Variants in EPHA3 observed in about 807,000 individuals in gnomAD.
EPHA3 encodes EPH receptor A3, also known as ephrin type-A receptor 3.
EPHA3 carries 42 observed loss-of-function variants against 107.1 expected under a neutral mutation model. That is an observed-to-expected ratio of 0.39 (90% CI 0.31 to 0.51). The LOEUF is 0.51. Ranked by LOEUF, EPHA3 falls within the 20% of genes least tolerant of loss-of-function variation. EPHA3 has a pLI of 0.78. For synonymous variants in EPHA3, 461 were observed against 424.8 expected (o/e 1.09, Z -1.05); for missense variants, 1,183 against 1,211.2 (o/e 0.98, Z 0.35).
At chr3:89,203,790 A>G (rs1706034111) in intron 2 of EPHA3, among the ~76,000 whole-genome samples, 1 of 151,838 alleles carries the variant, frequency 6.6e-6, no homozygotes, top group African/African-American at 2.4e-5. Flanking sequence ...AAAATAAATA[A>G]ATAAAATAAA....
At chr3:89,318,190 T>C (rs1706955877) in intron 3 of EPHA3, among the ~76,000 whole-genome samples, 1 of 151,908 alleles carries the variant, frequency 6.6e-6, no homozygotes, top group Non-Finnish European at 1.5e-5. Flanking sequence ...TCAGTTCTGG[T>C]CATAAAAGAC....
chr3:89,475,852 C>T (rs189271979), intron 16 of EPHA3, among the ~76,000 whole-genome samples: 297 of 152,158 alleles, frequency 2.0e-3, no homozygotes, highest in Non-Finnish European at 3.5e-3. Flanking sequence ...CTCTTCTGAA[C>T]AGGACAGTCA....
intron 1 of EPHA3, among the ~76,000 whole-genome samples, chr3:89,113,298 A>T (rs999103017): frequency 2.6e-5 from 4 of 152,030 alleles, no homozygotes; most frequent in Non-Finnish European, 5.9e-5. Context: ...TCACAAATCA[A>T]TCCACCTAGG....
chr3:89,408,106 A>G lies in EPHA3; in HGVS notation c.1737A>G (p.Lys579=), dbSNP rs1314946587. 6.2e-7 allele frequency: 1 copy of G among 1,612,930 alleles called. No individual in the cohort carries two copies. Among genetic ancestry groups the G allele is most frequent in the Non-Finnish European group, 8.5e-7 (1 of 1,179,122 alleles). ...GYKSKHGADE[K]RLHFGNGHLK... is the part of the protein sequence containing the mutation. ...AGTCAAAACATGGGGCAGATGAAAAAAGACTTCATTTTGGCAATGGGCATT... is the reference window on the plus strand; with the variant it reads ...AGTCAAAACATGGGGCAGATGAAAAGAGACTTCATTTTGGCAATGGGCATT... Residue 579 remains lysine (K), a synonymous_variant, in exon 9 of 17, where the codon AAA becomes AAG. Coordinates refer to ENST00000336596, the MANE Select transcript of EPHA3 (RefSeq NM_005233.6).
intron 14 of EPHA3, 126 bp from the exon 15 acceptor site, chr3:89,450,051 A>G (rs909665552): frequency 4.3e-6 from 3 of 703,962 alleles, no homozygotes; most frequent in African/African-American, 3.6e-5. Flanking sequence ...TTAGGCAACT[A>G]AAAATGAGAA....
chr3:89,444,793 G>A (rs772716324), intron 13 of EPHA3, among the ~76,000 whole-genome samples: 1 of 151,912 alleles, frequency 6.6e-6, no homozygotes, highest in Non-Finnish European at 1.5e-5. Context: ...CCTCAATGAT[G>A]GATGGCATCA....
intron 15 of EPHA3, among the ~76,000 whole-genome samples, chr3:89,460,823 C>CTCTTTTTTTTTTTTT (rs1199238290): frequency 0.01 from 1,034 of 100,480 alleles, 1 homozygote; most frequent in Non-Finnish European, 0.015. Context: ...CTCTGTCTCT[C>CTCTTTTTTTTTTTTT]TTTTTTTTTT....
chr3:89,407,538 A>C (rs1709079158), intron 8 of EPHA3, among the ~76,000 whole-genome samples, 167 bp downstream of exon 8: 1 of 151,782 alleles, frequency 6.6e-6, no homozygotes, highest in African/African-American at 2.4e-5. Flanking sequence ...TTGTTTCTCC[A>C]TCCTTAGTTT....
intron 1 of EPHA3, among the ~76,000 whole-genome samples, chr3:89,112,904 A>G (rs1707147553): frequency 6.6e-6 from 1 of 151,950 alleles, no homozygotes; most frequent in Non-Finnish European, 1.5e-5. Context: ...AAGATCCTCA[A>G]CTTTATTTTT....
intron 3 of EPHA3, among the ~76,000 whole-genome samples, chr3:89,262,963 C>CTTTTT (rs532365863): frequency 3.1e-5 from 3 of 97,474 alleles, no homozygotes; most frequent in East Asian, 3.2e-4. Context: ...TTACAGCGCT[C>CTTTTT]TTTTTTTTTT....
intron 2 of EPHA3, among the ~76,000 whole-genome samples, chr3:89,178,279 C>T (rs1205508665): frequency 1.3e-5 from 2 of 151,976 alleles, no homozygotes; most frequent in Admixed American, 6.6e-5. Context: ...AATTTCAAGT[C>T]ATTTTTATGT....
At chr3:89,306,046 A>G (rs1164020135) in intron 3 of EPHA3, among the ~76,000 whole-genome samples, 1 of 152,038 alleles carries the variant, frequency 6.6e-6, no homozygotes, top group African/African-American at 2.4e-5. Flanking sequence ...CATTGTCGTC[A>G]TCATCATCAT....
At chr3:89,231,372 G>A (rs1236915083) in intron 3 of EPHA3, among the ~76,000 whole-genome samples, 1 of 152,048 alleles carries the variant, frequency 6.6e-6, no homozygotes, top group South Asian at 2.1e-4. Flanking sequence ...AAATATGTAT[G>A]TACCTAAATG....
At position 89,353,554 on chromosome 3, in the gene EPHA3, C is replaced by T. The variant is rs78083230; in HGVS notation, c.1306+11464C>T. Among the ~76,000 whole-genome samples, 161 of 151,354 alleles carry T rather than the reference C, an allele frequency of 1.1e-3. 1 individual carries two copies. In the East Asian group the frequency reaches 0.023, roughly 21 times the overall value. ...TTCACAGTACATCATGCTTGACTGG[C>T]AATTCAGCTTCTTCCTGTTTTGAAA... On this transcript the variant is annotated intron_variant, in intron 5 of 16. Coordinates refer to ENST00000336596, the MANE Select transcript of EPHA3 (RefSeq NM_005233.6).
intron 2 of EPHA3, among the ~76,000 whole-genome samples, chr3:89,144,424 G>A (rs1230113644): frequency 6.6e-6 from 1 of 151,672 alleles, no homozygotes; most frequent in Non-Finnish European, 1.5e-5. Flanking sequence ...TGAATTCTGA[G>A]TTTACAAAAG....
chr3:89,301,766 C>G (rs1282286250), intron 3 of EPHA3, among the ~76,000 whole-genome samples: 1 of 151,968 alleles, frequency 6.6e-6, no homozygotes, highest in Non-Finnish European at 1.5e-5. Flanking sequence ...ATTTTTTATT[C>G]TCTAGGAAGC....
rs111701112 is a variant in EPHA3, at chr3:89,403,494, GA to G, written c.1595-3765del. ...CTTGAACCGTGCAATTATTGCACAT[GA>G]AAAAAAAAATACTAAGCTAAGACCC... On this transcript the variant is annotated intron_variant, in intron 7 of 16. Coordinates refer to ENST00000336596, the MANE Select transcript of EPHA3 (RefSeq NM_005233.6). Among the ~76,000 whole-genome samples, 914 of 148,658 alleles carry G rather than the reference GA, an allele frequency of 6.1e-3. 9 individuals are homozygous for G. Among genetic ancestry groups the G allele is most frequent in the African/African-American group, 0.021 (838 of 40,660 alleles).
chr3:89,212,900 T>A (rs189675312), intron 3 of EPHA3, among the ~76,000 whole-genome samples: 1 of 152,122 alleles, frequency 6.6e-6, no homozygotes, highest in East Asian at 1.9e-4. Flanking sequence ...GAAAAGTGTG[T>A]TTGATGTGAT....
intron 3 of EPHA3, among the ~76,000 whole-genome samples, chr3:89,295,431 A>C (rs1706323713): frequency 6.6e-6 from 1 of 152,094 alleles, no homozygotes; most frequent in South Asian, 2.1e-4. Context: ...GGTTCACTGC[A>C]TCTTTCACGA....
Sources: gnomAD v4.1 joint callset for allele counts (sites outside exome capture counted in the v4.1 genomes callset) on GRCh38, gnomAD v4.1.1 for gene constraint, MANE v1.5 for transcripts, NCBI Gene and HGNC (gene_info 2026-07-23, HGNC 2026-07-21) for gene names.